DLGAP1: variants seen among roughly 807,000 people sequenced by gnomAD.
The protein encoded by DLGAP1 is disks large-associated protein 1.
In DLGAP1, 11 loss-of-function variants were observed where a neutral mutation model predicts 90.8. That is an observed-to-expected ratio of 0.12 (90% CI 0.08 to 0.20). DLGAP1 has a LOEUF of 0.20. DLGAP1 is among the 10% of genes least tolerant of loss of function. The pLI, the probability that DLGAP1 is intolerant of heterozygous loss-of-function variation, is 1.00. For synonymous variants in DLGAP1, 558 were observed against 540.7 expected (o/e 1.03, Z -0.44); for missense variants, 1,050 against 1,333.8 (o/e 0.79, Z 3.31).
At chr18:4,190,896 C>A (rs2077386480) in intron 1 of DLGAP1, among the ~76,000 whole-genome samples, 1 of 152,052 alleles carries the variant, frequency 6.6e-6, no homozygotes, top group Admixed American at 6.6e-5. Flanking sequence ...CTCAGTTACT[C>A]TTCAAGTTTG....
chr18:3,513,016 C>CCCCTTT (rs2050633225), intron 10 of DLGAP1, among the ~76,000 whole-genome samples: 1 of 152,144 alleles, frequency 6.6e-6, no homozygotes, highest in Non-Finnish European at 1.5e-5. Context: ...GACAGCAATT[C>CCCCTTT]CCCTTTCCCT....
At chr18:3,690,338 C>T (rs534502558) in intron 7 of DLGAP1, among the ~76,000 whole-genome samples, 17 of 152,170 alleles carry the variant, frequency 1.1e-4, no homozygotes, top group African/African-American at 3.1e-4. Context: ...CTGTCCCCTA[C>T]GGCCTCTCAA....
intron 1 of DLGAP1, among the ~76,000 whole-genome samples, chr18:4,377,726 T>A (rs1320547643): frequency 1.3e-5 from 2 of 152,054 alleles, no homozygotes; most frequent in African/African-American, 2.4e-5. Flanking sequence ...GCCAAAAAAA[T>A]TCTTAATAAA....
At chr18:4,036,919 C>T (rs1278855438) in intron 2 of DLGAP1, among the ~76,000 whole-genome samples, 1 of 152,194 alleles carries the variant, frequency 6.6e-6, no homozygotes, top group East Asian at 1.9e-4. Flanking sequence ...ACTCTGGCAA[C>T]AGTTTCTTAA....
chr18:4,026,372 A>G (rs2074699184), intron 2 of DLGAP1, among the ~76,000 whole-genome samples: 1 of 152,210 alleles, frequency 6.6e-6, no homozygotes, highest in African/African-American at 2.4e-5. Context: ...TACAAAGCCT[A>G]CTTTAAAAGT....
intron 1 of DLGAP1, among the ~76,000 whole-genome samples, chr18:4,326,939 C>G (rs1445252434): frequency 1.3e-5 from 2 of 151,922 alleles, no homozygotes; most frequent in Non-Finnish European, 2.9e-5. Flanking sequence ...ATCCATACAC[C>G]AAACCCCTGC....
intron 1 of DLGAP1, among the ~76,000 whole-genome samples, chr18:4,380,583 G>A (rs112450574): frequency 2.6e-4 from 39 of 152,274 alleles, no homozygotes; most frequent in African/African-American, 9.1e-4. Flanking sequence ...CAAGCTGAGC[G>A]CTTAAGGGAT....
intron 1 of DLGAP1, among the ~76,000 whole-genome samples, chr18:4,382,487 C>CTT (rs3044414): frequency 1.4e-5 from 2 of 140,808 alleles, no homozygotes; most frequent in African/African-American, 5.3e-5. Context: ...CAGCATTATG[C>CTT]TTTTTTTTTT....
chr18:3,600,757 GATATATAGATATATATAGAT>G lies in DLGAP1; in HGVS notation c.1592-18529_1592-18510del, dbSNP rs774330690. On this transcript the variant is annotated intron_variant, in intron 7 of 12. Coordinates refer to ENST00000315677, the MANE Select transcript of DLGAP1 (RefSeq NM_004746.4). ...ATATATAGATATATAGATATATATA[GATATATAGATATATATAGAT>G]ATATAGATATATATAGATATATAGA... Among the ~76,000 whole-genome samples, 16 of 8,726 alleles carry G rather than the reference GATATATAGATATATATAGAT, an allele frequency of 1.8e-3. 2 individuals carry two copies. The highest frequency in any genetic ancestry group is 3.2e-3 in the African/African-American group (7 of 2,180). 5.7% of individuals were successfully genotyped at this position (8,726 alleles called of 152,430 possible).
chr18:4,079,849 T>C (rs1249241417), intron 2 of DLGAP1, among the ~76,000 whole-genome samples: 2 of 152,086 alleles, frequency 1.3e-5, no homozygotes, highest in Non-Finnish European at 2.9e-5. Flanking sequence ...GCTTACATCC[T>C]AGGAGTAGCA....
chr18:3,969,484 G>A (rs1229697273), intron 3 of DLGAP1, among the ~76,000 whole-genome samples: 3 of 152,136 alleles, frequency 2.0e-5, no homozygotes, highest in African/African-American at 7.2e-5. Flanking sequence ...AAGAGAAAAG[G>A]GTGCTTGTTC....
intron 2 of DLGAP1, among the ~76,000 whole-genome samples, chr18:4,094,607 C>CTTTCTTTTTTTTTTTTTTTTTTTTT (rs2075644375): frequency 8.0e-6 from 1 of 124,826 alleles, no homozygotes; most frequent in African/African-American, 3.1e-5. Flanking sequence ...CTTTCTCTTT[C>CTTTCTTTTTTTTTTTTTTTTTTTTT]TTTTTTTTTT....
Position 3,879,425 on chromosome 18 carries a change from T to C in DLGAP1, c.644A>G (p.Tyr215Cys). The change falls in exon 4 of 13, where the codon TAC becomes TGC. Residue 215 changes from tyrosine to cysteine, a missense_variant. This residue lies in a region of DLGAP1 where 485 missense variants were observed against 454.1 expected (regional missense o/e 1.07). Coordinates refer to ENST00000315677, the MANE Select transcript of DLGAP1 (RefSeq NM_004746.4). This position sits in a 1 kb window ranked among gnomAD's most constrained non-coding sequence, Gnocchi z 6.6. The part of the protein sequence containing the change: ...DDNLDGDMCI[Y>C]HAPSGVMTMG... ...GGTCATCACGCCCGAGGGGGCGTGG[T>C]AGATGCACATGTCACCATCCAGGTT... 6.2e-7 allele frequency: 1 copy of C among 1,610,048 alleles called. No homozygotes were observed. Among genetic ancestry groups the C allele is most frequent in the Non-Finnish European group, 8.5e-7 (1 of 1,179,936 alleles).
intron 1 of DLGAP1, among the ~76,000 whole-genome samples, chr18:4,403,406 C>T (rs1355185461): frequency 2.0e-5 from 3 of 152,018 alleles, no homozygotes; most frequent in Non-Finnish European, 2.9e-5. Context: ...TTTCAAAACT[C>T]GGTATTACAA....
chr18:3,710,313 C>T (rs944301958), intron 7 of DLGAP1, among the ~76,000 whole-genome samples: 1 of 152,214 alleles, frequency 6.6e-6, no homozygotes, highest in Non-Finnish European at 1.5e-5. Context: ...AAATTCTCAC[C>T]TGCCCCTGCA....
intron 4 of DLGAP1, among the ~76,000 whole-genome samples, chr18:3,873,347 G>T (rs2070868744): frequency 6.6e-6 from 1 of 152,162 alleles, no homozygotes; most frequent in South Asian, 2.1e-4. Context: ...ACAGGGAGAA[G>T]ATTGTGCAAA....
intron 7 of DLGAP1, among the ~76,000 whole-genome samples, chr18:3,585,601 G>C (rs1372476519): frequency 6.6e-6 from 1 of 152,170 alleles, no homozygotes; most frequent in Non-Finnish European, 1.5e-5. Context: ...ATTATGTATT[G>C]CTTCTTGTTA....
At chr18:3,845,358 T>A in intron 4 of DLGAP1, 1 of 1,548,088 alleles carries the variant, frequency 6.5e-7, no homozygotes, top group African/African-American at 1.4e-5. Flanking sequence ...CGATTCTAAG[T>A]GGTTGAGTGA....
At chr18:4,288,066 A>AT (rs55993727) in intron 1 of DLGAP1, among the ~76,000 whole-genome samples, 26 of 151,482 alleles carry the variant, frequency 1.7e-4, no homozygotes, top group African/African-American at 2.7e-4. Context: ...AGCTTGACAA[A>AT]TTTTTTATTA....
Sources: gnomAD v4.1 joint callset for allele counts (sites outside exome capture counted in the v4.1 genomes callset) on GRCh38, gnomAD v4.1.1 for gene constraint, gnomAD v4.1.1 regional missense constraint, Gnocchi (gnomAD v3.1) non-coding constraint, MANE v1.5 for transcripts, NCBI Gene and HGNC (gene_info 2026-07-23, HGNC 2026-07-21) for gene names.